The following AATK variants were observed in gnomAD, a reference collection of about 807,000 sequenced individuals.
AATK encodes the protein serine/threonine-protein kinase LMTK1.
In AATK, 91 loss-of-function variants were observed where a neutral mutation model predicts 114.3. The observed-to-expected ratio is 0.80, with a 90% CI of 0.67 to 0.95. The LOEUF is 0.95. Among genes scored for constraint, AATK ranks in the 40% least tolerant of loss-of-function variants. The pLI, the probability that AATK is intolerant of heterozygous loss-of-function variation, is 0.00. For synonymous variants in AATK, 1,075 were observed against 916.5 expected, an observed-to-expected ratio of 1.17 and a Z score of -3.12; for missense variants, 2,176 against 1,965.2, an observed-to-expected ratio of 1.11 and a Z score of -2.03.
intron 1 of AATK, among the ~76,000 whole-genome samples, chr17:81,144,676 C>T (rs1449356432): frequency 3.3e-5 from 5 of 152,258 alleles, no homozygotes; most frequent in African/African-American, 7.2e-5. Flanking sequence ...AAATCCACAC[C>T]GGAGAGTGTG....
rs1020332247 is a variant in AATK, at chr17:81,126,937, C to T, written c.622-377G>A. 23 of 820,540 alleles carry T rather than the reference C, an allele frequency of 2.8e-5. No homozygotes were observed. The highest frequency in any genetic ancestry group is 9.5e-5 in the Admixed American group (2 of 21,152). The allele number at this position is 820,540 out of a possible 1,614,324, so 50.8% of individuals were successfully genotyped here. On this transcript the variant is annotated intron_variant, in intron 6 of 13. Coordinates refer to ENST00000326724, the MANE Select transcript of AATK (RefSeq NM_001080395.3). The surrounding 1 kb of genome is among the most constrained non-coding windows in gnomAD (Gnocchi z 5.1). ...GAAAGCCCAGCCCCGGGACGGTCAA[C>T]GTCAGGAGTCCAGACGCCAGTGTGT...
chr17:81,144,332 A>C (rs1358289014), intron 1 of AATK, among the ~76,000 whole-genome samples: 3 of 152,244 alleles, frequency 2.0e-5, no homozygotes, highest in Non-Finnish European at 2.9e-5. Context: ...CCCTTGTCCC[A>C]GCCCCACACT....
intron 4 of AATK, among the ~76,000 whole-genome samples, 157 bp from the exon 5 acceptor site, chr17:81,128,067 G>C (rs62075260): frequency 6.6e-6 from 1 of 151,926 alleles, no homozygotes; most frequent in Non-Finnish European, 1.5e-5. Context: ...TATGGCTTCC[G>C]GATCCCTCCC....
chr17:81,150,411 C>G (rs981957250), intron 1 of AATK, among the ~76,000 whole-genome samples: 2 of 134,108 alleles, frequency 1.5e-5, no homozygotes, highest in African/African-American at 5.5e-5. Flanking sequence ...TCCTAGGGCT[C>G]CCCCTGATCC....
In AATK at chr17:81,119,366, C is replaced by G; in HGVS notation, c.4084+14G>C. On this transcript the variant is annotated intron_variant, in intron 13 of 13. Coordinates refer to ENST00000326724, the MANE Select transcript of AATK (RefSeq NM_001080395.3). ...CCCGCGTGCCCTTCTGCCACAGCCC[C>G]GCCCAGGCCTCACCTCTCTTGGACT... 6.4e-7 allele frequency: 1 copy of G among 1,566,230 alleles called. No homozygotes were observed. The highest frequency in any genetic ancestry group is 1.2e-5 in the South Asian group (1 of 86,106).
intron 1 of AATK, among the ~76,000 whole-genome samples, chr17:81,138,758 T>C (rs751230874): frequency 1.4e-5 from 2 of 139,380 alleles, no homozygotes; most frequent in African/African-American, 2.7e-5. Context: ...AACACGCGCA[T>C]GCACACCCAC....
intron 7 of AATK, among the ~76,000 whole-genome samples, chr17:81,125,712 G>C (rs112807964): frequency 2.2e-4 from 34 of 152,178 alleles, no homozygotes; most frequent in Middle Eastern, 3.4e-3. Flanking sequence ...ACTCAGGGTG[G>C]GGACAGAGGC....
At chr17:81,152,504 A>C (rs1025905214) in intron 1 of AATK, among the ~76,000 whole-genome samples, 1 of 152,164 alleles carries the variant, frequency 6.6e-6, no homozygotes. Context: ...GGATCGCTTA[A>C]GCCCAGGAGG....
chr17:81,162,609 C>T (rs532228197), intron 1 of AATK, among the ~76,000 whole-genome samples: 22 of 152,140 alleles, frequency 1.4e-4, no homozygotes, highest in Non-Finnish European at 2.5e-4. Flanking sequence ...GCCCGGGGCT[C>T]GCTGCCTCCT....
chr17:81,140,794 CGTGAGACCGTGGGGCT>C (rs1320379506), intron 1 of AATK, among the ~76,000 whole-genome samples: 4 of 62,046 alleles, frequency 6.4e-5, no homozygotes, highest in African/African-American at 3.2e-4. Flanking sequence ...ACCGTGGGGC[CGTGAGACCGTGGGGCT>C]GTGAGCCGTG....
At chr17:81,165,832 G>C in intron 1 of AATK, 106 bp downstream of exon 1, 1 of 1,515,112 alleles carries the variant, frequency 6.6e-7, no homozygotes, top group Non-Finnish European at 8.9e-7. Context: ...GCTCGGGGCG[G>C]GGAAAGGGTT....
At position 81,126,762 on chromosome 17, in the gene AATK, G is replaced by A. The variant is rs1405936544; in HGVS notation, c.622-202C>T. 5.0e-6 allele frequency: 7 copies of A among 1,400,200 alleles called. No homozygotes were observed. Among genetic ancestry groups the A allele is most frequent in the Non-Finnish European group, 6.5e-6 (7 of 1,078,622 alleles). The allele number at this position is 1,400,200 out of a possible 1,614,324, so 86.7% of individuals were successfully genotyped here. On this transcript the variant is annotated intron_variant, in intron 6 of 13. Transcript: ENST00000326724. This position sits in a 1 kb window ranked among gnomAD's most constrained non-coding sequence, Gnocchi z 5.1. ...GTGTCCCCCAGGGCTGGGCTGGACTGAAGGCTTCCTCTCCACTGCCCCTCA... is the reference window on the plus strand; with the variant it reads ...GTGTCCCCCAGGGCTGGGCTGGACTAAAGGCTTCCTCTCCACTGCCCCTCA...
intron 13 of AATK, among the ~76,000 whole-genome samples, chr17:81,119,086 G>A (rs1187913856): frequency 1.3e-5 from 2 of 152,188 alleles, no homozygotes; most frequent in African/African-American, 4.8e-5. Flanking sequence ...CCTGCCGCAG[G>A]TCTGCGGGGT....
chr17:81,141,863 G>A (rs945778624), intron 1 of AATK, among the ~76,000 whole-genome samples: 1 of 152,182 alleles, frequency 6.6e-6, no homozygotes, highest in African/African-American at 2.4e-5. Context: ...GGCCTCTAGT[G>A]CCAGCAGTTA....
rs771536088 is a variant in AATK at position 81,121,207 on chromosome 17, G to A, written c.2729C>T (p.Ser910Phe). 25 of 1,604,708 alleles carry A rather than the reference G, an allele frequency of 1.6e-5. No homozygotes were observed. The South Asian group carries it at 2.5e-4, about 16-fold the overall frequency. The change falls in exon 11 of 14, where the codon TCC becomes TTC. Residue 910 changes from serine to phenylalanine, a missense_variant. Ser to Phe is a radical substitution (Grantham distance 155). This residue lies in a region of AATK where 1,701 missense variants were observed against 1,394.7 expected (regional missense o/e 1.22). Transcript: ENST00000326724. ...PDSLDSLDIP[S>F]SASDGGYEVF... ...CTCATAGCCACCATCACTGGCTGAGGACGGGATGTCCAGGGAGTCCAGGGA... is the reference window on the plus strand; with the variant it reads ...CTCATAGCCACCATCACTGGCTGAGAACGGGATGTCCAGGGAGTCCAGGGA...
intron 13 of AATK, 41 bp from the exon 14 acceptor site, chr17:81,118,483 C>A: frequency 2.5e-6 from 4 of 1,593,534 alleles, no homozygotes; most frequent in Non-Finnish European, 3.4e-6. Flanking sequence ...GGTTCTGAGA[C>A]ACCAGGGCTG....
Position 81,121,839 on chromosome 17 carries a change from G to A in AATK, c.2097C>T (p.Val699=). The A allele has an allele frequency of 6.3e-7, 1 of 1,594,382 alleles. No homozygotes were observed. Among genetic ancestry groups the A allele is most frequent in the South Asian group, 1.1e-5 (1 of 90,138 alleles). The part of the protein sequence containing the change: ...GSRCPESWDP[V]SAGGHAEGCP... ...AGCCCTCAGCGTGGCCGCCCGCAGA[G>A]ACGGGGTCCCAGGACTCTGGACAGC... The change falls in exon 11 of 14, where the codon GTC becomes GTT. Residue 699 remains valine (V), a synonymous_variant. Transcript: ENST00000326724.
rs1009417530 is a variant in AATK at position 81,126,824 on chromosome 17, TAG to T, written c.622-266_622-265del. On this transcript the variant is annotated intron_variant, in intron 6 of 13. Coordinates refer to ENST00000326724, the MANE Select transcript of AATK (RefSeq NM_001080395.3). The surrounding 1 kb of genome is among the most constrained non-coding windows in gnomAD (Gnocchi z 5.1). ...GCAGCAGGAGTCCCTTGGCCTGTGG[TAG>T]AGAGAGAAACACAGGGCCCAAGTGG... 4.6e-6 allele frequency: 6 copies of T among 1,315,188 alleles called. No homozygotes were observed. Among genetic ancestry groups the T allele is most frequent in the Admixed American group, 3.3e-5 (1 of 29,874 alleles). The allele number at this position is 1,315,188 out of a possible 1,614,324, so 81.5% of individuals were successfully genotyped here.
In AATK at chr17:81,122,089, G is replaced by C. The variant is rs760373611; in HGVS notation, c.1847C>G (p.Pro616Arg). Residue 616 changes from proline (P) to arginine (R), a missense_variant, in exon 11 of 14, where the codon CCC becomes CGC. Physicochemically the swap from Pro to Arg is moderately radical, Grantham distance 103. Coordinates refer to ENST00000326724, the MANE Select transcript of AATK (RefSeq NM_001080395.3). ...PSRSPSPSAGPLSLAEGGAED... is the reference protein window; with the variant it reads ...PSRSPSPSAGRLSLAEGGAED... ...CGCTCCTCCCTCCGCCAGACTCAGG[G>C]GCCCCGCCGAGGGCGAGGGAGAGCG... The C allele has an allele frequency of 1.9e-6, 3 of 1,579,724 alleles. No individual in the cohort carries two copies. The highest frequency in any genetic ancestry group is 2.6e-6 in the Non-Finnish European group (3 of 1,170,082).
Sources: gnomAD v4.1 joint callset for allele counts (sites outside exome capture counted in the v4.1 genomes callset) on GRCh38, gnomAD v4.1.1 for gene constraint, gnomAD v4.1.1 regional missense constraint, Gnocchi (gnomAD v3.1) non-coding constraint, MANE v1.5 for transcripts, NCBI Gene and HGNC (gene_info 2026-07-23, HGNC 2026-07-21) for gene names.